Variants in KHDRBS2 observed in about 807,000 individuals in gnomAD.
KHDRBS2 encodes KH domain-containing, RNA-binding, signal transduction-associated protein 2.
KHDRBS2 carries 26 observed loss-of-function variants against 44.3 expected under a neutral mutation model. The ratio of observed to expected loss-of-function variants is 0.59; its 90% CI spans 0.43 to 0.81. The LOEUF is 0.81. Ranked by LOEUF, KHDRBS2 falls within the 40% of genes least tolerant of loss-of-function variation. The probability of loss-of-function intolerance (pLI) is 0.00; values close to 1 mark genes in which losing one functional copy is unlikely to be tolerated. For synonymous variants in KHDRBS2, 194 were observed against 151.1 expected, an observed-to-expected ratio of 1.28 and a Z score of -2.08; for missense variants, 476 against 433.1, an observed-to-expected ratio of 1.10 and a Z score of -0.88.
chr6:61,829,130 CAT>C (rs1404806287), intron 6 of KHDRBS2, among the ~76,000 whole-genome samples: 1 of 152,122 alleles, frequency 6.6e-6, no homozygotes, highest in Non-Finnish European at 1.5e-5. Flanking sequence ...ACATTGTGTG[CAT>C]GTGTGTGTGT....
chr6:61,580,275 T>G, the KHDRBS2 span, among the ~76,000 whole-genome samples: 6 of 152,262 alleles, frequency 3.9e-5, no homozygotes, highest in African/African-American at 1.4e-4. Context: ...AGAACTTTTG[T>G]GTCTAGCTAA....
At chr6:62,058,652 A>G (rs912828417) in intron 2 of KHDRBS2, among the ~76,000 whole-genome samples, 1 of 151,942 alleles carries the variant, frequency 6.6e-6, no homozygotes, top group Non-Finnish European at 1.5e-5. Flanking sequence ...ATCAAAAAAC[A>G]TTGGTGAGCA....
chr6:62,122,929 C>T (rs1041519035), intron 2 of KHDRBS2, among the ~76,000 whole-genome samples: 5 of 151,262 alleles, frequency 3.3e-5, no homozygotes, highest in South Asian at 4.2e-4. Context: ...ACTTTAAGTT[C>T]TAGGGTACAT....
intron 6 of KHDRBS2, among the ~76,000 whole-genome samples, chr6:61,821,681 A>G (rs190189615): frequency 1.3e-5 from 2 of 152,050 alleles, no homozygotes; most frequent in Admixed American, 1.3e-4. Flanking sequence ...CTGCTGCAAT[A>G]AAGTTTTTTT....
At chr6:61,580,718 A>G in the KHDRBS2 span, among the ~76,000 whole-genome samples, 1 of 152,116 alleles carries the variant, frequency 6.6e-6, no homozygotes, top group Admixed American at 6.6e-5. Context: ...AAGAGCTGTA[A>G]CACTCGCTGT....
chr6:61,768,252 T>G (rs9353831), intron 6 of KHDRBS2, among the ~76,000 whole-genome samples: 54,189 of 151,664 alleles, frequency 0.36, 10,320 homozygotes, highest in East Asian at 0.47. Flanking sequence ...TTGCATGTTG[T>G]GTCTGTATTT....
At chr6:61,803,143 C>A (rs1786556686) in intron 6 of KHDRBS2, among the ~76,000 whole-genome samples, 1 of 152,182 alleles carries the variant, frequency 6.6e-6, no homozygotes. Flanking sequence ...CTTCCTCCTA[C>A]TCCTCATAAT....
chr6:61,877,191 T>A lies in KHDRBS2; in HGVS notation c.810+17444A>T, dbSNP rs181328607. On this transcript the variant is annotated intron_variant, in intron 6 of 8. Coordinates refer to ENST00000281156, the MANE Select transcript of KHDRBS2 (RefSeq NM_152688.4). ...TAGGCAAAGATTGTTGACCCCTGCA[T>A]TGGACCTCCAGTCTCACATACGCTC... Among the ~76,000 whole-genome samples the A allele has an allele frequency of 2.6e-5, 4 of 152,100 alleles. No individual in the cohort carries two copies. In the East Asian group the frequency reaches 7.7e-4, roughly 29 times the overall value.
chr6:61,814,761 C>T (rs1788649888), intron 6 of KHDRBS2, among the ~76,000 whole-genome samples: 2 of 152,206 alleles, frequency 1.3e-5, no homozygotes, highest in Non-Finnish European at 1.5e-5. Flanking sequence ...CTCCCCTTAT[C>T]TGCTGGGGAT....
chr6:61,592,502 C>T, the KHDRBS2 span, among the ~76,000 whole-genome samples: 2 of 151,958 alleles, frequency 1.3e-5, no homozygotes, highest in Non-Finnish European at 2.9e-5. Context: ...TCCTAGATCT[C>T]GATAAAGGGG....
intron 1 of KHDRBS2, among the ~76,000 whole-genome samples, chr6:62,248,638 A>G (rs1836019177): frequency 1.3e-5 from 2 of 152,060 alleles, no homozygotes; most frequent in Admixed American, 6.6e-5. Context: ...GATTACAGTC[A>G]TGAGTCACCT....
intron 4 of KHDRBS2, among the ~76,000 whole-genome samples, chr6:61,953,068 C>G (rs970516271): frequency 7.9e-5 from 12 of 151,656 alleles, no homozygotes; most frequent in African/African-American, 2.9e-4. Context: ...AAAAAAATAC[C>G]TGTTCATATT....
chr6:62,118,066 G>A (rs1236877330), intron 2 of KHDRBS2, among the ~76,000 whole-genome samples: 4 of 152,164 alleles, frequency 2.6e-5, no homozygotes, highest in African/African-American at 4.8e-5. Context: ...GTGAGCCACC[G>A]CGTCTGGCCT....
At chr6:61,899,340 A>C (rs1182783078) in intron 5 of KHDRBS2, among the ~76,000 whole-genome samples, 3 of 151,884 alleles carry the variant, frequency 2.0e-5, no homozygotes, top group African/African-American at 7.2e-5. Context: ...AAGACAACAA[A>C]ATTCTGTTTC....
At chr6:61,992,220 C>T (rs750806389) in intron 3 of KHDRBS2, among the ~76,000 whole-genome samples, 1 of 152,152 alleles carries the variant, frequency 6.6e-6, no homozygotes, top group Non-Finnish European at 1.5e-5. Flanking sequence ...TAAACTTCAA[C>T]AATTTTATCC....
intron 6 of KHDRBS2, among the ~76,000 whole-genome samples, chr6:61,863,259 G>GTTTTTTT (rs61624926): frequency 2.2e-5 from 3 of 134,606 alleles, no homozygotes; most frequent in Non-Finnish European, 3.2e-5. Flanking sequence ...TTTTGAAGGG[G>GTTTTTTT]TTTTTTTTTT....
intron 6 of KHDRBS2, among the ~76,000 whole-genome samples, chr6:61,867,157 T>A (rs521466): frequency 1.3e-5 from 2 of 151,856 alleles, no homozygotes; most frequent in African/African-American, 2.4e-5. Context: ...AAGACTGGGA[T>A]GAAAAATAGG....
At chr6:61,841,098 AAAG>A (rs1793531790) in intron 6 of KHDRBS2, among the ~76,000 whole-genome samples, 1 of 152,212 alleles carries the variant, frequency 6.6e-6, no homozygotes, top group African/African-American at 2.4e-5. Context: ...AATAAAAAGA[AAAG>A]AAAGCTTTCT....
rs909641367 is a variant in KHDRBS2, at chr6:62,064,204, C to A, written c.220-16210G>T. ...CAATATTGTGAAAATGGCCATACTG[C>A]CCAAGGTAATTTACAGATTCAATGC... On this transcript the variant is annotated intron_variant, in intron 2 of 8. Transcript: ENST00000281156. 2.3e-5 allele frequency among the ~76,000 whole-genome samples: 3 copies of A among 129,082 alleles called. No individual in the cohort carries two copies. In the East Asian group the frequency reaches 7.2e-4, roughly 31 times the overall value. The allele number at this position is 129,082 out of a possible 152,430, so 84.7% of individuals were successfully genotyped here.
Sources: allele counts gnomAD v4.1 joint callset (sites outside exome capture counted in the v4.1 genomes callset), GRCh38; gene constraint gnomAD v4.1.1; transcripts MANE v1.5; gene names NCBI Gene and HGNC (gene_info 2026-07-23, HGNC 2026-07-21).